COG7: variants seen among roughly 807,000 people sequenced by gnomAD.
COG7 encodes conserved oligomeric Golgi complex subunit 7.
COG7 carries 49 observed loss-of-function variants against 91.5 expected under a neutral mutation model. That is an observed-to-expected ratio of 0.54 (90% CI 0.43 to 0.68). The LOEUF (loss-of-function observed/expected upper bound fraction) is 0.68, where lower values mean the gene tolerates loss of function less well. Ranked by LOEUF, COG7 falls within the 30% of genes least tolerant of loss-of-function variation. COG7 has a pLI of 0.00. For missense variants in COG7, 895 were observed against 961.3 expected, an observed-to-expected ratio of 0.93 and a Z score of 0.91; for synonymous variants, 365 against 388.7, an observed-to-expected ratio of 0.94 and a Z score of 0.72.
intron 6 of COG7, among the ~76,000 whole-genome samples, chr16:23,429,383 C>CA (rs71154213): frequency 2.3e-4 from 34 of 149,014 alleles, no homozygotes; most frequent in African/African-American, 3.4e-4. Context: ...CATGTGTCTA[C>CA]AAAAAAAAAA....
chr16:23,391,290 T>C (rs1000783747), intron 16 of COG7, among the ~76,000 whole-genome samples: 1 of 152,200 alleles, frequency 6.6e-6, no homozygotes, highest in Non-Finnish European at 1.5e-5. Flanking sequence ...ATCCCTAGAT[T>C]TCACTCCACT....
intron 10 of COG7, among the ~76,000 whole-genome samples, chr16:23,411,378 G>GT (rs1963558856): frequency 6.6e-6 from 1 of 152,120 alleles, no homozygotes; most frequent in African/African-American, 2.4e-5. Context: ...CATAAGAAAA[G>GT]TTTATGAGAA....
intron 6 of COG7, among the ~76,000 whole-genome samples, chr16:23,428,353 A>G (rs1396849963): frequency 6.6e-6 from 1 of 151,602 alleles, no homozygotes; most frequent in African/African-American, 2.4e-5. Flanking sequence ...TGTCTCAAAA[A>G]ATAAAAAATA....
intron 8 of COG7, 108 bp downstream of exon 8, chr16:23,418,592 G>T (rs1471529058): frequency 4.1e-5 from 38 of 936,616 alleles, no homozygotes; most frequent in Non-Finnish European, 5.9e-5. Context: ...GTGCTTAAAG[G>T]TCATATTTCA....
At chr16:23,437,111 C>T (rs2142090121) in intron 4 of COG7, among the ~76,000 whole-genome samples, 1 of 152,228 alleles carries the variant, frequency 6.6e-6, no homozygotes, top group South Asian at 2.1e-4. Flanking sequence ...GCCTATGGAG[C>T]TCAAAAGCGC....
chr16:23,409,088 T>TGTGTGTGTGTGCGTGC (rs567307217), intron 11 of COG7, among the ~76,000 whole-genome samples: 1 of 147,806 alleles, frequency 6.8e-6, no homozygotes, highest in African/African-American at 2.5e-5. Context: ...TGTGTGTGTG[T>TGTGTGTGTGTGCGTGC]GCGTGCATGT....
chr16:23,430,607 T>G (rs931334707), intron 6 of COG7, among the ~76,000 whole-genome samples: 2 of 151,726 alleles, frequency 1.3e-5, no homozygotes, highest in African/African-American at 4.8e-5. Flanking sequence ...AGTGGCACAA[T>G]CTCGGCTCAC....
intron 6 of COG7, among the ~76,000 whole-genome samples, chr16:23,431,811 GAAAAAAAAAA>G (rs1173401499): frequency 2.3e-5 from 1 of 43,228 alleles, no homozygotes; most frequent in Non-Finnish European, 5.1e-5. Flanking sequence ...TCTGTCTGAA[GAAAAAAAAAA>G]AAAAAAAAGA....
chr16:23,401,483 G>A (rs1264776040), intron 13 of COG7, among the ~76,000 whole-genome samples: 1 of 152,146 alleles, frequency 6.6e-6, no homozygotes, highest in Non-Finnish European at 1.5e-5. Context: ...GAACTAAGCT[G>A]GGAAGCACTG....
At chr16:23,399,119 T>C (rs536923504) in intron 13 of COG7, among the ~76,000 whole-genome samples, 1 of 152,268 alleles carries the variant, frequency 6.6e-6, no homozygotes, top group South Asian at 2.1e-4. Flanking sequence ...TGCCTGATCC[T>C]TTAAGTAGCA....
In COG7 at chr16:23,417,305, G is replaced by A. The variant is rs886312396; in HGVS notation, c.1138-184C>T. On this transcript the variant is annotated intron_variant, in intron 8 of 16. Transcript: ENST00000307149. The stretch of plus-strand genomic sequence containing the variant: ...AGGGAGAACAGTCTAAGTCATCAGT[G>A]GGATCATGGAAATTCACTCCTGGCA... The A allele has an allele frequency of 3.1e-5, 20 of 651,726 alleles. No individual in the cohort carries two copies. In the African/African-American group the frequency reaches 3.2e-4, roughly 11 times the overall value. 40.4% of individuals were successfully genotyped at this position (651,726 alleles called of 1,614,324 possible). A position where few individuals can be genotyped will look rare whatever the true frequency, so the allele number is the denominator to read the frequency against.
At chr16:23,452,730 G>C in intron 1 of COG7, 96 bp downstream of exon 1, 1 of 1,515,240 alleles carries the variant, frequency 6.6e-7, no homozygotes, top group Admixed American at 2.0e-5. Flanking sequence ...CTGTCCATGC[G>C]TGCCCCGCCC....
chr16:23,401,078 A>G (rs938572409), intron 13 of COG7, among the ~76,000 whole-genome samples: 1 of 152,214 alleles, frequency 6.6e-6, no homozygotes, highest in Non-Finnish European at 1.5e-5. Flanking sequence ...GTGTCCTTCA[A>G]ATGGGCTTTT....
In COG7 at chr16:23,389,173, C is replaced by A. The variant is rs250586; in HGVS notation, c.2147-87G>T. ...CCCACAGGGCCTCCCCTGAATACGACACAGAGAAGCTGCCCTGCCAAGTCC... is the reference window on the plus strand; with the variant it reads ...CCCACAGGGCCTCCCCTGAATACGAAACAGAGAAGCTGCCCTGCCAAGTCC... On this transcript the variant is annotated intron_variant, in intron 16 of 16. Coordinates refer to ENST00000307149, the MANE Select transcript of COG7 (RefSeq NM_153603.4). 1 allele frequency: 1,494,529 copies of A among 1,494,596 alleles called. 747,231 individuals carry two copies. The highest frequency in any genetic ancestry group is 1 in the Middle Eastern group (4,996 of 4,996). The allele number at this position is 1,494,596 out of a possible 1,614,324, so 92.6% of individuals were successfully genotyped here.
At position 23,413,564 on chromosome 16, in the gene COG7, C is replaced by A. The variant is rs554871778; in HGVS notation, c.1293G>T (p.Lys431Asn). The change falls in exon 10 of 17, where the codon AAG becomes AAT. Residue 431 changes from lysine to asparagine, a missense_variant and splice_region_variant. Physicochemically the swap from Lys to Asn is moderately conservative, Grantham distance 94. Transcript: ENST00000307149. ...GAGTGCTGGTGAAATCAGACACATA[C>A]CTGCCGGGAAAGGGAAGAAAATGGT... ...LLSALKSLFA[K>N]YVSDFTSTLQ... 2 of 1,559,956 alleles carry A rather than the reference C, an allele frequency of 1.3e-6. No individual in the cohort carries two copies. Among genetic ancestry groups the A allele is most frequent in the Admixed American group, 3.3e-5 (2 of 59,936 alleles).
At chr16:23,405,719 G>C (rs534487088) in intron 12 of COG7, among the ~76,000 whole-genome samples, 2 of 151,960 alleles carry the variant, frequency 1.3e-5, no homozygotes, top group South Asian at 2.1e-4. Flanking sequence ...GTTTCACCAT[G>C]TTGGCCAGAC....
At chr16:23,446,154 C>T (rs1005923645) in intron 1 of COG7, among the ~76,000 whole-genome samples, 193 bp from the exon 2 acceptor site, 1 of 152,082 alleles carries the variant, frequency 6.6e-6, no homozygotes, top group African/African-American at 2.4e-5. Flanking sequence ...TGGCCCCTGC[C>T]GGGATCACGT....
chr16:23,430,318 C>CT (rs1301944954), intron 6 of COG7, among the ~76,000 whole-genome samples: 3 of 151,726 alleles, frequency 2.0e-5, no homozygotes, highest in African/African-American at 7.3e-5. Context: ...AGTCCCAGTA[C>CT]TCAGGAGGCT....
At chr16:23,397,819 T>C (rs1262714577) in intron 14 of COG7, among the ~76,000 whole-genome samples, 5 of 152,078 alleles carry the variant, frequency 3.3e-5, no homozygotes, top group South Asian at 2.1e-4. Context: ...ACATCTCATA[T>C]AGGGAGAGAT....
Sources: gnomAD v4.1 joint callset for allele counts (sites outside exome capture counted in the v4.1 genomes callset) on GRCh38, gnomAD v4.1.1 for gene constraint, MANE v1.5 for transcripts, NCBI Gene and HGNC (gene_info 2026-07-23, HGNC 2026-07-21) for gene names.